The following GNAS-AS1 variants were observed in gnomAD, a reference collection of about 807,000 sequenced individuals.
GNAS-AS1 encodes the protein GNAS antisense RNA 1 (non-protein coding).
intron 4 of GNAS-AS1, among the ~76,000 whole-genome samples, chr20:58,830,240 C>CCA: frequency 6.7e-6 from 1 of 149,180 alleles, no homozygotes; most frequent in Non-Finnish European, 1.5e-5. Context: ...ACCACAATCA[C>CCA]CACCACCACC....
At chr20:58,847,970 G>A (rs553879060) in intron 2 of GNAS-AS1, among the ~76,000 whole-genome samples, 77 of 152,342 alleles carry the variant, frequency 5.1e-4, no homozygotes, top group Middle Eastern at 3.4e-3. Context: ...AGGGCATCAC[G>A]TGCGGCTTCC....
chr20:58,832,412 C>T (rs1352032831), intron 4 of GNAS-AS1, among the ~76,000 whole-genome samples: 1 of 152,124 alleles, frequency 6.6e-6, no homozygotes. Flanking sequence ...AACGCCATTC[C>T]AGTCAAAATA....
chr20:58,850,736 A>C (rs1222557685), exon 1 of GNAS-AS1: 5 of 398,372 alleles, frequency 1.3e-5, no homozygotes, highest in Non-Finnish European at 2.2e-5. Flanking sequence ...GGCCCCTGGG[A>C]CCCCACCTCT....
At chr20:58,847,416 G>A (rs2145513546) in intron 2 of GNAS-AS1, among the ~76,000 whole-genome samples, 1 of 152,248 alleles carries the variant, frequency 6.6e-6, no homozygotes, top group East Asian at 1.9e-4. Context: ...AGAGTCTGAA[G>A]GGAAAAGGAT....
intron 4 of GNAS-AS1, among the ~76,000 whole-genome samples, chr20:58,835,536 A>G (rs2085596913): frequency 6.6e-6 from 1 of 152,228 alleles, no homozygotes; most frequent in African/African-American, 2.4e-5. Flanking sequence ...GTAAAGACTC[A>G]TCTCTTTCTG....
At chr20:58,847,276 C>T (rs536206821) in intron 2 of GNAS-AS1, among the ~76,000 whole-genome samples, 5 of 151,434 alleles carry the variant, frequency 3.3e-5, no homozygotes, top group Non-Finnish European at 7.4e-5. Context: ...CTGCCTCTAA[C>T]CTGGTATCTT....
chr20:58,831,960 C>T (rs1021743694), intron 4 of GNAS-AS1, among the ~76,000 whole-genome samples: 1 of 152,164 alleles, frequency 6.6e-6, no homozygotes, highest in African/African-American at 2.4e-5. Flanking sequence ...TCACTGTGGA[C>T]TGGCATTTGG....
chr20:58,841,154 G>C lies in GNAS-AS1; in HGVS notation n.819+783C>G, dbSNP rs2085705238. 6.6e-6 allele frequency among the ~76,000 whole-genome samples: 1 copy of C among 152,100 alleles called. No homozygotes were observed. The highest frequency in any genetic ancestry group is 6.5e-5 in the Admixed American group (1 of 15,276). On this transcript the variant is annotated intron_variant and non_coding_transcript_variant, in intron 4 of 4. Coordinates refer to ENST00000424094, the Ensembl canonical transcript of GNAS-AS1. The surrounding 1 kb of genome is among the most constrained non-coding windows in gnomAD (Gnocchi z 5.0). ...GAGACAACCTGAGGTCTCCGAGCTG[G>C]TGCCCCGGCTACGCGACTGAATCCC...
chr20:58,850,145 T>G (rs1450657993), intron 1 of GNAS-AS1, among the ~76,000 whole-genome samples: 1 of 152,154 alleles, frequency 6.6e-6, no homozygotes, highest in Non-Finnish European at 1.5e-5. Flanking sequence ...CCACCTTCTA[T>G]TCATAGCCAA....
intron 4 of GNAS-AS1, among the ~76,000 whole-genome samples, chr20:58,825,325 C>T (rs543564393): frequency 2.0e-5 from 3 of 152,306 alleles, no homozygotes; most frequent in African/African-American, 7.2e-5. Flanking sequence ...CCATCTCTCA[C>T]CATCTCTCCT....
chr20:58,821,538 T>G (rs760601999), intron 4 of GNAS-AS1, among the ~76,000 whole-genome samples: 1 of 152,200 alleles, frequency 6.6e-6, no homozygotes, highest in Non-Finnish European at 1.5e-5. Flanking sequence ...ATTTCTCTAA[T>G]GCCTAGAACA....
At chr20:58,844,808 CA>C (rs760229478) in intron 2 of GNAS-AS1, among the ~76,000 whole-genome samples, 7 of 150,990 alleles carry the variant, frequency 4.6e-5, no homozygotes, top group Non-Finnish European at 8.9e-5. Flanking sequence ...AAAAAAAAAA[CA>C]AAACAAAACA....
At chr20:58,828,635 T>C (rs1029500625) in intron 4 of GNAS-AS1, among the ~76,000 whole-genome samples, 2 of 152,246 alleles carry the variant, frequency 1.3e-5, no homozygotes, top group African/African-American at 4.8e-5. Context: ...GGAAACTCAA[T>C]TTGGAGTGTT....
At chr20:58,822,528 C>T (rs527694728) in intron 4 of GNAS-AS1, among the ~76,000 whole-genome samples, 3 of 152,266 alleles carry the variant, frequency 2.0e-5, no homozygotes, top group African/African-American at 4.8e-5. Context: ...TAAACGTTGG[C>T]GGTCATCATC....
intron 4 of GNAS-AS1, among the ~76,000 whole-genome samples, chr20:58,835,621 T>C (rs2085597460): frequency 6.6e-6 from 1 of 152,202 alleles, no homozygotes; most frequent in African/African-American, 2.4e-5. Flanking sequence ...TGGGCTGGAA[T>C]GTATTACTCT....
intron 2 of GNAS-AS1, chr20:58,844,067 C>T (rs1168342322): frequency 6.6e-6 from 1 of 152,164 alleles, no homozygotes; most frequent in Non-Finnish European, 1.5e-5. Flanking sequence ...GCTGAAACTT[C>T]AGTGTTGGTA....
chr20:58,847,886 TA>T (rs1373287831), intron 2 of GNAS-AS1, among the ~76,000 whole-genome samples: 1 of 152,152 alleles, frequency 6.6e-6, no homozygotes, highest in East Asian at 1.9e-4. Context: ...AGAATGTAAG[TA>T]GAAACACAAT....
exon 5 of GNAS-AS1, chr20:58,818,952 T>C (rs1189580508): frequency 5.0e-6 from 2 of 398,180 alleles, no homozygotes; most frequent in South Asian, 1.3e-4. Context: ...TGCCGGGCCT[T>C]TATTCAACAC....
intron 4 of GNAS-AS1, chr20:58,833,716 G>A (rs2085582934): frequency 6.6e-6 from 1 of 152,104 alleles, no homozygotes; most frequent in Admixed American, 6.5e-5. Flanking sequence ...AGACCTAAGG[G>A]GTCCACACAT....
Sources: gnomAD v4.1 joint callset for allele counts (sites outside exome capture counted in the v4.1 genomes callset) on GRCh38, gnomAD v4.1.1 for gene constraint, Gnocchi (gnomAD v3.1) non-coding constraint, MANE v1.5 for transcripts, NCBI Gene and HGNC (gene_info 2026-07-23, HGNC 2026-07-21) for gene names.